The following ASPM variants were observed in gnomAD, a reference collection of about 807,000 sequenced individuals.
ASPM encodes the protein assembly factor for spindle microtubules.
A neutral mutation model predicts 366.4 loss-of-function variants in ASPM; 256 were observed. The observed-to-expected ratio is 0.70, with a 90% CI of 0.63 to 0.77. The LOEUF (loss-of-function observed/expected upper bound fraction) is 0.77. Ranked by LOEUF, ASPM falls within the 30% of genes least tolerant of loss-of-function variation. The probability of loss-of-function intolerance (pLI) is 0.00; values close to 1 mark genes in which losing one functional copy is unlikely to be tolerated. For synonymous variants in ASPM, 1,414 were observed against 1,342.9 expected, an observed-to-expected ratio of 1.05 and a Z score of -1.16; for missense variants, 4,146 against 4,090.4, an observed-to-expected ratio of 1.01 and a Z score of -0.37.
rs187525409 is a variant in ASPM at position 197,119,876 on chromosome 1, A to G, written c.3871-1893T>C. Among the ~76,000 whole-genome samples the G allele has an allele frequency of 3.9e-5, 6 of 152,310 alleles. No homozygotes were observed. The East Asian group carries it at 9.7e-4, about 25-fold the overall frequency. The stretch of plus-strand genomic sequence containing the variant: ...TTTGAGCCACTCCATTAATAGATTT[A>G]TATGAATTATAACATAAAAGCAAAA... On this transcript the variant is annotated intron_variant, in intron 16 of 27. Coordinates refer to ENST00000367409, the MANE Select transcript of ASPM (RefSeq NM_018136.5).
intron 17 of ASPM, 139 bp downstream of exon 17, chr1:197,117,650 G>A (rs1657775999): frequency 1.3e-6 from 1 of 746,138 alleles, no homozygotes; most frequent in Non-Finnish European, 2.2e-6. Flanking sequence ...AGCTTTTCAG[G>A]TAGTAAATAT....
intron 3 of ASPM, among the ~76,000 whole-genome samples, chr1:197,140,460 T>G (rs1557963992): frequency 6.6e-6 from 1 of 152,244 alleles, no homozygotes; most frequent in Non-Finnish European, 1.5e-5. Flanking sequence ...ACTATCATAA[T>G]CTTTTTCTCA....
At chr1:197,093,013 A>AT (rs1558323980) in intron 21 of ASPM, 39 bp downstream of exon 21, 1 of 1,528,900 alleles carries the variant, frequency 6.5e-7, no homozygotes, top group Non-Finnish European at 9.0e-7. Flanking sequence ...AAGTGCTTTC[A>AT]TTTTATAAGA....
In ASPM at chr1:197,135,132, G is replaced by C. The variant is rs1417497573; in HGVS notation, c.2137C>G (p.Pro713Ala). Residue 713 changes from proline to alanine, a missense_variant, in exon 5 of 28, where the codon CCT (proline) becomes GCT (alanine). Physicochemically the swap from Pro to Ala is conservative, Grantham distance 27. This residue lies in a region of ASPM where 3,624 missense variants were observed against 3,591.7 expected (regional missense o/e 1.01). Transcript: ENST00000367409. ...FTWWLNFILT[P>A]DDFTVKTNIS... Reference sequence around the variant, plus strand: ...TTTGTTTTTACAGTGAAGTCATCAGGGGTTAATATAAAATTTAACCACCAA... The same window carrying C: ...TTTGTTTTTACAGTGAAGTCATCAGCGGTTAATATAAAATTTAACCACCAA... The C allele has an allele frequency of 1.9e-6, 3 of 1,605,284 alleles. No individual in the cohort carries two copies. The highest frequency in any genetic ancestry group is 2.6e-6 in the Non-Finnish European group (3 of 1,172,374).
chr1:197,101,132 C>G lies in ASPM; in HGVS notation c.8119G>C (p.Asp2707His). ...ATTGCAGTTTTCTTTGTTTCATAAT[C>G]AACTTTGGCCCTGTGCATTCGATAG... ...SFYRMHRAKV[D>H]YETKKTAIVV... The change falls in exon 18 of 28, where the codon GAT becomes CAT. Residue 2707 changes from aspartate (D) to histidine (H), a missense_variant. Asp to His is a moderately conservative substitution (Grantham distance 81, BLOSUM62 -1). Transcript: ENST00000367409. The G allele has an allele frequency of 1.2e-6, 2 of 1,612,226 alleles. No homozygotes were observed. Among genetic ancestry groups the G allele is most frequent in the South Asian group, 1.1e-5 (1 of 91,038 alleles).
chr1:197,139,616 T>G, intron 4 of ASPM, 151 bp downstream of exon 4: 3 of 710,088 alleles, frequency 4.2e-6, no homozygotes, highest in Non-Finnish European at 7.5e-6. Context: ...AACAGAAAGT[T>G]GACACAATAT....
In ASPM at chr1:197,111,540, C is replaced by T. The variant is rs558618446; in HGVS notation, c.4065+6249G>A. Among the ~76,000 whole-genome samples, 6 of 152,166 alleles carry T rather than the reference C, an allele frequency of 3.9e-5. No individual in the cohort carries two copies. In the East Asian group the frequency reaches 7.7e-4, roughly 20 times the overall value. ...TGGAGATTTTTCAAAGAACTTAAAA[C>T]AGAACTTCCATTTGATCCAGAAAAC... On this transcript the variant is annotated intron_variant, in intron 17 of 27. Coordinates refer to ENST00000367409, the MANE Select transcript of ASPM (RefSeq NM_018136.5).
chr1:197,089,816 C>T (rs1571587904), intron 25 of ASPM, 114 bp downstream of exon 25: 4 of 1,023,640 alleles, frequency 3.9e-6, no homozygotes, highest in East Asian at 4.8e-5. Flanking sequence ...GACTCTTGCA[C>T]ATAAATGAAT....
chr1:197,102,467 T>A lies in ASPM; in HGVS notation c.6784A>T (p.Met2262Leu), dbSNP rs756712574. The A allele has an allele frequency of 6.2e-6, 10 of 1,612,722 alleles. No individual in the cohort carries two copies. The highest frequency in any genetic ancestry group is 1.7e-5 in the Admixed American group (1 of 59,792). The part of the protein sequence containing the change: ...GKKARRHLKM[M>L]HIAATLIQRR... Reference sequence around the variant, plus strand: ...TGAATGAGAGTTGCGGCTATATGCATCATTTTTAAATGTCTTCTAGCTTTC... The same window carrying A: ...TGAATGAGAGTTGCGGCTATATGCAACATTTTTAAATGTCTTCTAGCTTTC... Residue 2262 changes from methionine to leucine, a missense_variant, in exon 18 of 28, where the codon ATG becomes TTG. By Grantham distance (15) the Met-to-Leu change is conservative (BLOSUM62 2). This residue lies in a region of ASPM where 3,624 missense variants were observed against 3,591.7 expected (regional missense o/e 1.01). Transcript: ENST00000367409.
intron 22 of ASPM, 49 bp from the exon 23 acceptor site, chr1:197,091,090 TAA>T: frequency 7.3e-7 from 1 of 1,365,518 alleles, no homozygotes; most frequent in South Asian, 1.2e-5. Flanking sequence ...CAGGTTTTTT[TAA>T]AAAAATATAC....
In ASPM at chr1:197,146,310, T is replaced by C. The variant is rs763864896; in HGVS notation, c.128A>G (p.His43Arg). ...ASSPPVLSLS[H>R]FCRSPFLCFG... ...GCAAAGGAAAGGAGACCTGCAGAAG[T>C]GGCTGAGAGACAGGACCGGCGGGGA... The change falls in exon 1 of 28, where the codon CAC becomes CGC. Residue 43 changes from histidine (H) to arginine (R), a missense_variant. This residue lies in a region of ASPM where 512 missense variants were observed against 471.7 expected (regional missense o/e 1.09). Transcript: ENST00000367409. 4.3e-6 allele frequency: 7 copies of C among 1,613,906 alleles called. No homozygotes were observed. The East Asian group carries it at 1.6e-4, about 36-fold the overall frequency.
At chr1:197,108,563 T>C (rs114034848) in intron 17 of ASPM, among the ~76,000 whole-genome samples, 2,052 of 152,184 alleles carry the variant, frequency 0.013, 48 homozygotes, top group African/African-American at 0.046. Flanking sequence ...ATATTAAAGA[T>C]ATACTTTGTA....
At chr1:197,092,185 A>G in intron 21 of ASPM, 129 bp from the exon 22 acceptor site, 1 of 850,266 alleles carries the variant, frequency 1.2e-6, no homozygotes, top group Non-Finnish European at 1.9e-6. Context: ...TAATCATTAC[A>G]ATTACTTATA....
Position 197,103,905 on chromosome 1 carries a change from C to A in ASPM, c.5346G>T (p.Gln1782His). ...LKMYKAIIVIQNYYHAYKAQV... is the reference protein window; with the variant it reads ...LKMYKAIIVIHNYYHAYKAQV... ...GTGCTTTGTATGCATGATAGTAATT[C>A]TGAATGACAATAATTGCTTTATACA... is the stretch of plus-strand genomic sequence containing the variant. Residue 1782 changes from glutamine to histidine, a missense_variant, in exon 18 of 28, where the codon CAG becomes CAT. Transcript: ENST00000367409. 1.2e-6 allele frequency: 2 copies of A among 1,612,790 alleles called. No homozygotes were observed. Among genetic ancestry groups the A allele is most frequent in the South Asian group, 1.1e-5 (1 of 91,054 alleles).
Position 197,104,760 on chromosome 1 carries a change from T to G in ASPM, c.4491A>C (p.Arg1497Ser). The G allele has an allele frequency of 1.2e-6, 2 of 1,600,014 alleles. No individual in the cohort carries two copies. The highest frequency in any genetic ancestry group is 1.7e-6 in the Non-Finnish European group (2 of 1,174,688). The change falls in exon 18 of 28, where the codon AGA becomes AGC. Residue 1497 changes from arginine (R) to serine (S), a missense_variant. Arg to Ser is a moderately radical substitution (Grantham distance 110, BLOSUM62 -1). Transcript: ENST00000367409. ...IRSCVVIIQK[R>S]FRCFQAQKLY... ...ACTTTTGGGCTTGAAAGCACCGAAA[T>G]CTTTTCTGAATGATAACAACACAAG...
intron 3 of ASPM, 112 bp downstream of exon 3, chr1:197,142,219 C>T (rs1366113012): frequency 5.1e-6 from 6 of 1,170,234 alleles, no homozygotes; most frequent in East Asian, 4.7e-5. Context: ...GAAATGTACC[C>T]AGCAAATAAG....
In ASPM at chr1:197,121,895, G is replaced by C; in HGVS notation, c.3870+20C>G. ...CTAAAGTATAATTCACACTATAGTA[G>C]TTTCATATTCTAGGAGTACCTGATG... On this transcript the variant is annotated intron_variant, in intron 16 of 27. Coordinates refer to ENST00000367409, the MANE Select transcript of ASPM (RefSeq NM_018136.5). 6.3e-7 allele frequency: 1 copy of C among 1,591,620 alleles called. No individual in the cohort carries two copies. Among genetic ancestry groups the C allele is most frequent in the Non-Finnish European group, 8.6e-7 (1 of 1,161,040 alleles).
Position 197,128,614 on chromosome 1 carries a change from C to T in ASPM, c.2812G>A (p.Gly938Ser). Residue 938 changes from glycine (G) to serine (S), a missense_variant, in exon 10 of 28, where the codon GGT (glycine) becomes AGT (serine). This residue lies in a region of ASPM where 3,624 missense variants were observed against 3,591.7 expected (regional missense o/e 1.01). Coordinates refer to ENST00000367409, the MANE Select transcript of ASPM (RefSeq NM_018136.5). ...AFSRDFLSGEGDLSRHLGLLG... is the reference protein window; with the variant it reads ...AFSRDFLSGESDLSRHLGLLG... ...AAGCCAAGGTGACGGGAAAGGTCAC[C>T]TTCACCACTTAGGAAATCTCGTGAA... The T allele has an allele frequency of 6.2e-7, 1 of 1,613,880 alleles. No homozygotes were observed.
chr1:197,104,115 G>T lies in ASPM; in HGVS notation c.5136C>A (p.Tyr1712Ter), dbSNP rs148294838. Residue 1712 changes from tyrosine to a stop codon, truncating the protein, a stop_gained, in exon 18 of 28, where the codon TAC becomes TAA. Transcript: ENST00000367409. LOFTEE classifies it high-confidence loss of function. ...RAAALFIQQCYRSKKIAAQKR... is the reference protein window; with the variant it reads ...RAAALFIQQC ...TTTGTGCAGCTATTTTTTTGGAACG[G>T]TAACATTGCTGGATAAATAGTGCAG... The T allele has an allele frequency of 3.7e-6, 6 of 1,612,792 alleles. No individual in the cohort carries two copies. The African/African-American group carries it at 8.0e-5, about 22-fold the overall frequency.
Sources: gnomAD v4.1 joint callset for allele counts (sites outside exome capture counted in the v4.1 genomes callset) on GRCh38, gnomAD v4.1.1 for gene constraint, gnomAD v4.1.1 regional missense constraint, MANE v1.5 for transcripts, NCBI Gene and HGNC (gene_info 2026-07-23, HGNC 2026-07-21) for gene names.